DST: variants seen among roughly 807,000 people sequenced by gnomAD.
DST encodes bullous pemphigoid antigen.
A neutral mutation model predicts 875.2 loss-of-function variants in DST; 253 were observed. The ratio of observed to expected loss-of-function variants is 0.29; its 90% confidence interval spans 0.26 to 0.32. The LOEUF is 0.32. DST is among the 10% of genes least tolerant of loss of function. The pLI is 1.00. For missense variants in DST, 8,287 were observed against 9,111.6 expected (o/e 0.91, Z 3.68); for synonymous variants, 3,124 against 3,197.1 (o/e 0.98, Z 0.77).
In DST at chr6:56,578,893, T is replaced by C. The variant is rs182864955; in HGVS notation, c.12948A>G (p.Lys4316=). Residue 4316 remains lysine, a synonymous_variant, in exon 50 of 104, where the codon AAA becomes AAG. Coordinates refer to ENST00000680361, the MANE Select transcript of DST (RefSeq NM_001374736.1). ...AAAGCACTTCAGCCGTTTTCTTCAGTTTCTCTACAGCAACCTGCTGACTTG... is the reference window on the plus strand; with the variant it reads ...AAAGCACTTCAGCCGTTTTCTTCAGCTTCTCTACAGCAACCTGCTGACTTG... ...QISSQQVAVE[K]LKKTAEVLLD... The C allele has an allele frequency of 1.2e-6, 2 of 1,606,806 alleles. No individual in the cohort carries two copies. The highest frequency in any genetic ancestry group is 1.3e-5 in the African/African-American group (1 of 74,998).
chr6:56,926,763 A>G (rs1807326858), intron 2 of DST, among the ~76,000 whole-genome samples: 2 of 131,458 alleles, frequency 1.5e-5, no homozygotes, highest in Non-Finnish European at 3.1e-5. Context: ...AGCTTATTAA[A>G]TCGTGTAACT....
In DST at chr6:56,604,391, C is replaced by T. The variant is rs1179239770; in HGVS notation, c.10237G>A (p.Asp3413Asn). The change falls in exon 40 of 104, where the codon GAC becomes AAC. Residue 3413 changes from aspartate (D) to asparagine (N), a missense_variant. Around this residue, in one of 10 missense-constraint regions of DST, gnomAD observed 3,138 missense variants for 3,116.6 expected, o/e 1.01. Coordinates refer to ENST00000680361, the MANE Select transcript of DST (RefSeq NM_001374736.1). ...GTCATGGGGGAAACTCCAGAAGAGT[C>T]ACTCATTTGAGAGTCGCTGGGCACA... is the stretch of plus-strand genomic sequence containing the variant. The part of the protein sequence containing the change: ...STVPSDSQMS[D>N]SSGVSPMTNS... 1.2e-6 allele frequency: 2 copies of T among 1,611,440 alleles called. No individual in the cohort carries two copies. The highest frequency in any genetic ancestry group is 1.7e-5 in the Admixed American group (1 of 59,658).
intron 29 of DST, 87 bp from the exon 30 acceptor site, chr6:56,631,476 C>G (rs2098779412): frequency 2.9e-6 from 3 of 1,033,208 alleles, no homozygotes; most frequent in Non-Finnish European, 2.9e-6. Flanking sequence ...ACACATTTCA[C>G]ATTAAGAACC....
At chr6:56,601,928 T>C in intron 43 of DST, 1 of 450,834 alleles carries the variant, frequency 2.2e-6, no homozygotes, top group Non-Finnish European at 4.0e-6. Context: ...TCTTTACCTG[T>C]CACATTGCAC....
At chr6:56,460,574 C>A (rs1170079894) in intron 102 of DST, 2 of 196,754 alleles carry the variant, frequency 1.0e-5, no homozygotes. Flanking sequence ...TAGTATCTTT[C>A]AGACTGTCAG....
intron 98 of DST, among the ~76,000 whole-genome samples, chr6:56,468,164 T>A (rs9370533): frequency 0.073 from 5,588 of 76,158 alleles, 127 homozygotes; most frequent in African/African-American, 0.14. Flanking sequence ...CAAAGTAAAA[T>A]AAAATAAAAT....
intron 63 of DST, among the ~76,000 whole-genome samples, 169 bp downstream of exon 63, chr6:56,534,953 A>C (rs1345879725): frequency 6.6e-6 from 1 of 152,250 alleles, no homozygotes; most frequent in African/African-American, 2.4e-5. Flanking sequence ...GGCCTGGCCC[A>C]TGGTAGATGT....
intron 4 of DST, among the ~76,000 whole-genome samples, chr6:56,765,388 T>C (rs1462320400): frequency 6.6e-6 from 1 of 152,198 alleles, no homozygotes; most frequent in Non-Finnish European, 1.5e-5. Context: ...TGTTATCAAA[T>C]TACTATTCTA....
At chr6:56,778,371 A>C (rs1449563207) in intron 4 of DST, among the ~76,000 whole-genome samples, 1 of 144,072 alleles carries the variant, frequency 6.9e-6, no homozygotes, top group East Asian at 2.0e-4. Flanking sequence ...TTTTTTTTTC[A>C]AATCTGTTAG....
At chr6:56,875,760 A>G (rs1366396107) in intron 3 of DST, among the ~76,000 whole-genome samples, 3 of 152,190 alleles carry the variant, frequency 2.0e-5, no homozygotes, top group Non-Finnish European at 4.4e-5. Flanking sequence ...CTGGAATCTT[A>G]GCACAGGTGA....
chr6:56,552,441 C>A lies in DST; in HGVS notation c.16351G>T (p.Ala5451Ser). 6.2e-7 allele frequency: 1 copy of A among 1,613,990 alleles called. No homozygotes were observed. Among genetic ancestry groups the A allele is most frequent in the Non-Finnish European group, 8.5e-7 (1 of 1,179,894 alleles). ...NANKTCKMML[A>S]TEETSPDLVG... ...AGGTCAGGAGAGGTTTCTTCTGTGG[C>A]TAACATCATCTTGCAGGTTTTATTG... Residue 5451 changes from alanine to serine, a missense_variant, in exon 61 of 104, where the codon GCC becomes TCC. Transcript: ENST00000680361.
chr6:56,843,603 G>A, intron 4 of DST: 3 of 984,022 alleles, frequency 3.0e-6, no homozygotes, highest in Non-Finnish European at 3.6e-6. Flanking sequence ...GGTGCGGGAG[G>A]ACCGGCGCGC....
At chr6:56,657,162 A>G (rs1282205175) in intron 10 of DST, among the ~76,000 whole-genome samples, 3 of 152,176 alleles carry the variant, frequency 2.0e-5, no homozygotes, top group African/African-American at 7.2e-5. Flanking sequence ...TATTGGGGAA[A>G]AAACATCCAC....
intron 10 of DST, among the ~76,000 whole-genome samples, chr6:56,667,019 AAAATTCT>A (rs2099075666): frequency 6.6e-6 from 1 of 152,092 alleles, no homozygotes; most frequent in Admixed American, 6.6e-5. Flanking sequence ...AACTCCAAAG[AAAATTCT>A]AAATTCTAAT....
Position 56,566,517 on chromosome 6 carries a change from G to A in DST, c.14005+1952C>T, listed in dbSNP as rs372590570. 3.4e-4 allele frequency among the ~76,000 whole-genome samples: 52 copies of A among 152,178 alleles called. No individual in the cohort carries two copies. The East Asian group carries it at 9.3e-3, about 27-fold the overall frequency. On this transcript the variant is annotated intron_variant, in intron 55 of 103. Coordinates refer to ENST00000680361, the MANE Select transcript of DST (RefSeq NM_001374736.1). ...CCCACCCTGCTTCTGCTCGCCCTCCGTGGGCTGCACCCACTGTCTAACCAG... is the reference window on the plus strand; with the variant it reads ...CCCACCCTGCTTCTGCTCGCCCTCCATGGGCTGCACCCACTGTCTAACCAG...
At position 56,606,661 on chromosome 6, in the gene DST, TCAG is replaced by T; in HGVS notation, c.7964_7966del (p.Ala2655del). 7 of 1,613,626 alleles carry T rather than the reference TCAG, an allele frequency of 4.3e-6. No homozygotes were observed. The highest frequency in any genetic ancestry group is 1.7e-6 in the Non-Finnish European group (2 of 1,179,650). On this transcript the variant is annotated inframe_deletion, in exon 40 of 104. Transcript: ENST00000680361. ...CTCTTTTGAGACATCATAAAAAACA[TCAG>T]CAGGAGAAGCCGTCTCATCATTTTC...
At chr6:56,888,287 C>T (rs1246124977) in intron 3 of DST, among the ~76,000 whole-genome samples, 1 of 152,000 alleles carries the variant, frequency 6.6e-6, no homozygotes, top group Non-Finnish European at 1.5e-5. Context: ...AATTATGAAC[C>T]TAAAAAGGGA....
chr6:56,494,141 T>TA lies in DST; in HGVS notation c.20262dup (p.Lys6755Ter). 6.2e-7 allele frequency: 1 copy of TA among 1,608,740 alleles called. No individual in the cohort carries two copies. Among genetic ancestry groups the TA allele is most frequent in the Non-Finnish European group, 8.5e-7 (1 of 1,176,684 alleles). On this transcript the variant is annotated frameshift_variant, in exon 83 of 104. Coordinates refer to ENST00000680361, the MANE Select transcript of DST (RefSeq NM_001374736.1). LOFTEE classifies it high-confidence loss of function. Reference sequence around the variant, plus strand: ...TGCTGGCCTTTCTGCATCAGACTCTTATATGTTTCTTCTTTAGCTTCAAAG... The same window carrying TA: ...TGCTGGCCTTTCTGCATCAGACTCTTAATATGTTTCTTCTTTAGCTTCAAAG...
At chr6:56,851,288 C>T (rs1222354450) in intron 4 of DST, 109 bp downstream of exon 4, 4 of 995,588 alleles carry the variant, frequency 4.0e-6, no homozygotes, top group Admixed American at 5.2e-5. Flanking sequence ...ACCTTGAGCA[C>T]AGATTCCTGC....
Sources: allele counts gnomAD v4.1 joint callset (sites outside exome capture counted in the v4.1 genomes callset), GRCh38; gene constraint gnomAD v4.1.1; regional missense constraint gnomAD v4.1.1; transcripts MANE v1.5; gene names NCBI Gene and HGNC (gene_info 2026-07-23, HGNC 2026-07-21).